CBL: variants seen among roughly 807,000 people sequenced by gnomAD.
CBL encodes Cbl proto-oncogene, also known as E3 ubiquitin-protein ligase CBL.
In CBL, 45 loss-of-function variants were observed where a neutral mutation model predicts 96.9. The observed-to-expected ratio is 0.46, with a 90% CI of 0.37 to 0.60. The LOEUF (loss-of-function observed/expected upper bound fraction) is 0.60, where lower values mean the gene tolerates loss of function less well. CBL is among the 20% of genes least tolerant of loss of function. The pLI, the probability that CBL is intolerant of heterozygous loss-of-function variation, is 0.00. For synonymous variants in CBL, 420 were observed against 426.8 expected, an observed-to-expected ratio of 0.98 and a Z score of 0.20; for missense variants, 1,024 against 1,143.5, an observed-to-expected ratio of 0.90 and a Z score of 1.51.
rs575523972 is a variant in CBL at position 119,254,984 on chromosome 11, A to C, written c.444-16751A>C. ...ATTTAGACTGGAATTCATGGGTAGA[A>C]GTAGGAGCAGGTACACAGTTCTCCT... On this transcript the variant is annotated intron_variant, in intron 2 of 15. Coordinates refer to ENST00000264033, the MANE Select transcript of CBL (RefSeq NM_005188.4). Among the ~76,000 whole-genome samples, 3 of 152,208 alleles carry C rather than the reference A, an allele frequency of 2.0e-5. No homozygotes were observed. The East Asian group carries it at 5.8e-4, about 29-fold the overall frequency.
intron 2 of CBL, among the ~76,000 whole-genome samples, chr11:119,233,453 C>G (rs951869605): frequency 1.3e-5 from 2 of 152,074 alleles, no homozygotes; most frequent in African/African-American, 2.4e-5. Context: ...AGGCTGGTCT[C>G]GAACTCCTGA....
chr11:119,285,362 C>G lies in CBL; in HGVS notation c.1737C>G (p.Pro579=). Residue 579 remains proline (P), a synonymous_variant, in exon 11 of 16, where the codon CCC becomes CCG. Coordinates refer to ENST00000264033, the MANE Select transcript of CBL (RefSeq NM_005188.4). ...ACTGTCCCTCCAGAGACAAACTGCC[C>G]CCTGTCCCCTCTAGCCGCCTTGGAG... ...PGDCPSRDKL[P]PVPSSRLGDS... The G allele has an allele frequency of 6.2e-7, 1 of 1,614,140 alleles. No homozygotes were observed.
intron 1 of CBL, among the ~76,000 whole-genome samples, chr11:119,216,211 G>A (rs1949358802): frequency 6.6e-6 from 1 of 152,202 alleles, no homozygotes; most frequent in Non-Finnish European, 1.5e-5. Flanking sequence ...AACCACCACT[G>A]TTTGCTGCCT....
At chr11:119,249,361 G>A (rs556558020) in intron 2 of CBL, among the ~76,000 whole-genome samples, 10 of 152,206 alleles carry the variant, frequency 6.6e-5, no homozygotes, top group African/African-American at 2.4e-4. Context: ...TTTGAGACCA[G>A]CCTGGCCAAC....
chr11:119,273,923 A>G lies in CBL; in HGVS notation c.646A>G (p.Ser216Gly), dbSNP rs763760976. 1.9e-6 allele frequency: 3 copies of G among 1,614,028 alleles called. No homozygotes were observed. The highest frequency in any genetic ancestry group is 2.5e-6 in the Non-Finnish European group (3 of 1,179,894). Residue 216 changes from serine to glycine, a missense_variant, in exon 4 of 16, where the codon AGT becomes GGT. Ser to Gly is a moderately conservative substitution (Grantham distance 56). Around this residue, in one of 4 missense-constraint regions of CBL, gnomAD observed 192 missense variants for 321.8 expected, o/e 0.60. Coordinates refer to ENST00000264033, the MANE Select transcript of CBL (RefSeq NM_005188.4). The stretch of plus-strand genomic sequence containing the variant: ...GGCTCTACATGAAGTGCATCCCATC[A>G]GTTCTGGGCTGGAGGCCATGGCTCT... ...RQALHEVHPI[S>G]SGLEAMALKS...
intron 3 of CBL, among the ~76,000 whole-genome samples, chr11:119,273,539 G>T (rs1046601245): frequency 2.0e-5 from 3 of 152,148 alleles, no homozygotes; most frequent in Non-Finnish European, 4.4e-5. Context: ...TCCCCCCTCA[G>T]CCTCCAGAGT....
chr11:119,230,125 TCGGTGACACAA>T (rs1260426466), intron 1 of CBL, among the ~76,000 whole-genome samples: 168 of 152,128 alleles, frequency 1.1e-3, no homozygotes, highest in African/African-American at 3.7e-3. Context: ...TAATGAGCTT[TCGGTGACACAA>T]GAAAATAGGT....
intron 2 of CBL, among the ~76,000 whole-genome samples, chr11:119,253,184 A>G (rs1357178150): frequency 1.3e-5 from 2 of 152,164 alleles, no homozygotes; most frequent in Admixed American, 1.3e-4. Context: ...AACGTTATCA[A>G]AACATCACAT....
intron 9 of CBL, among the ~76,000 whole-genome samples, chr11:119,279,728 A>G (rs553980945): frequency 6.6e-6 from 1 of 152,388 alleles, no homozygotes; most frequent in Non-Finnish European, 1.5e-5. Flanking sequence ...ATATACGTAG[A>G]AAAACTGGAT....
chr11:119,302,270 C>T lies in CBL; in HGVS notation c.*2489C>T, dbSNP rs1950107037. The T allele has an allele frequency of 4.3e-6, 1 of 232,616 alleles. No homozygotes were observed. 14.4% of individuals were successfully genotyped at this position (232,616 alleles called of 1,614,324 possible). A position where few individuals can be genotyped will look rare whatever the true frequency, so the allele number is the denominator to read the frequency against. On this transcript the variant is annotated 3_prime_UTR_variant, in exon 16 of 16. Coordinates refer to ENST00000264033, the MANE Select transcript of CBL (RefSeq NM_005188.4). The stretch of plus-strand genomic sequence containing the variant: ...TTGACTGGGTGCTGTGAGGACACAC[C>T]TGGGTCTGTGCCTGAGATTGCCAGG...
chr11:119,278,217 A>G lies in CBL; in HGVS notation c.1147A>G (p.Ile383Val), dbSNP rs1265704711. Residue 383 changes from isoleucine to valine, a missense_variant, in exon 8 of 16, where the codon ATA (isoleucine) becomes GTA (valine). Physicochemically the swap from Ile to Val is conservative, Grantham distance 29. Coordinates refer to ENST00000264033, the MANE Select transcript of CBL (RefSeq NM_005188.4). ...GGGCTCCACATTCCAACTATGTAAA[A>G]TATGTGCTGAAAATGATAAGGATGT... ...EMGSTFQLCK[I>V]CAENDKDVKI... 1.9e-6 allele frequency: 3 copies of G among 1,611,950 alleles called. No individual in the cohort carries two copies. The highest frequency in any genetic ancestry group is 3.3e-5 in the Admixed American group (2 of 59,988).
chr11:119,210,388 A>C (rs1949306433), intron 1 of CBL, among the ~76,000 whole-genome samples: 1 of 152,022 alleles, frequency 6.6e-6, no homozygotes, highest in Non-Finnish European at 1.5e-5. Flanking sequence ...AAAACAAATA[A>C]ATTGCTTTAA....
rs1591271354 is a variant in CBL at position 119,299,924 on chromosome 11, A to G, written c.*143A>G. ...GTGGGATATCACATCAGTGGTTCCA[A>G]GATTTCAAAGTGGTGAAATGAAAAT... is the stretch of plus-strand genomic sequence containing the variant. On this transcript the variant is annotated 3_prime_UTR_variant, in exon 16 of 16. Transcript: ENST00000264033. The G allele has an allele frequency of 1.2e-6, 1 of 814,118 alleles. No individual in the cohort carries two copies. The highest frequency in any genetic ancestry group is 2.4e-5 in the East Asian group (1 of 41,196). 50.4% of individuals were successfully genotyped at this position (814,118 alleles called of 1,614,324 possible). A position where few individuals can be genotyped will look rare whatever the true frequency, so the allele number is the denominator to read the frequency against.
At chr11:119,264,442 T>TCTTCTCTTCTC (rs5795173) in intron 2 of CBL, among the ~76,000 whole-genome samples, 54 of 44,396 alleles carry the variant, frequency 1.2e-3, no homozygotes, top group East Asian at 3.4e-3. Context: ...TCTTCTCTTC[T>TCTTCTCTTCTC]TTCTCTTCTC....
In CBL at chr11:119,307,582, G is replaced by GT; in HGVS notation, c.*7802dup. ...GGACCAGAAGCCTGTCCTCAGTAAT[G>GT]TGACTATAGTGAGCTTTAGCAAAAG... On this transcript the variant is annotated 3_prime_UTR_variant, in exon 16 of 16. Coordinates refer to ENST00000264033, the MANE Select transcript of CBL (RefSeq NM_005188.4). The GT allele has an allele frequency of 4.3e-6, 1 of 232,350 alleles. No homozygotes were observed. The highest frequency in any genetic ancestry group is 8.5e-6 in the Non-Finnish European group (1 of 117,272). The allele number at this position is 232,350 out of a possible 1,614,324, so 14.4% of individuals were successfully genotyped here.
At chr11:119,212,636 A>T (rs182503406) in intron 1 of CBL, among the ~76,000 whole-genome samples, 1 of 152,102 alleles carries the variant, frequency 6.6e-6, no homozygotes, top group Non-Finnish European at 1.5e-5. Flanking sequence ...CAAAATAAAT[A>T]AATGAATGAA....
rs767833722 is a variant in CBL, at chr11:119,307,274, C to T, written c.*7493C>T. ...GCAAAAGACAGAATGTTTCACAATT[C>T]CCAGGTAAACTCTGGACCATTCCAA... On this transcript the variant is annotated 3_prime_UTR_variant, in exon 16 of 16. Transcript: ENST00000264033. 9.0e-5 allele frequency: 21 copies of T among 232,614 alleles called. No individual in the cohort carries two copies. Among genetic ancestry groups the T allele is most frequent in the Non-Finnish European group, 1.8e-4 (21 of 117,436 alleles). 14.4% of individuals were successfully genotyped at this position (232,614 alleles called of 1,614,324 possible).
At chr11:119,233,494 A>G (rs973636475) in intron 2 of CBL, among the ~76,000 whole-genome samples, 1 of 152,200 alleles carries the variant, frequency 6.6e-6, no homozygotes, top group Non-Finnish European at 1.5e-5. Context: ...TTGGCCTCAC[A>G]AGGTGCTGGG....
chr11:119,261,530 G>T lies in CBL; in HGVS notation c.444-10205G>T, dbSNP rs180818492. Among the ~76,000 whole-genome samples, 22 of 152,294 alleles carry T rather than the reference G, an allele frequency of 1.4e-4. No individual in the cohort carries two copies. In the East Asian group the frequency reaches 3.9e-3, roughly 27 times the overall value. On this transcript the variant is annotated intron_variant, in intron 2 of 15. Coordinates refer to ENST00000264033, the MANE Select transcript of CBL (RefSeq NM_005188.4). ...GTTGATTGCATTAGCTTTCTAAAAG[G>T]TGCTTGGTGGTGGTTGTCATTTGTT...
Sources: allele counts gnomAD v4.1 joint callset (sites outside exome capture counted in the v4.1 genomes callset), GRCh38; gene constraint gnomAD v4.1.1; regional missense constraint gnomAD v4.1.1; transcripts MANE v1.5; gene names NCBI Gene and HGNC (gene_info 2026-07-23, HGNC 2026-07-21).